Variants in PCNX2 observed in about 807,000 individuals in gnomAD.
PCNX2 encodes the protein pecanex-like protein 2.
A neutral mutation model predicts 223.8 loss-of-function variants in PCNX2; 168 were observed. The observed-to-expected ratio is 0.75, with a 90% confidence interval of 0.66 to 0.85. The LOEUF (loss-of-function observed/expected upper bound fraction) is 0.85. PCNX2 is among the 40% of genes least tolerant of loss of function. PCNX2 has a pLI of 0.00. For missense variants in PCNX2, 2,507 were observed against 2,675.5 expected, an observed-to-expected ratio of 0.94 and a Z score of 1.39; for synonymous variants, 1,006 against 1,052.6, an observed-to-expected ratio of 0.96 and a Z score of 0.86.
At position 233,113,109 on chromosome 1, in the gene PCNX2, T is replaced by A. The variant is rs1038904896; in HGVS notation, c.3838-17246A>T. ...AGGCTGTGGTCACAACGCAGTGAGC[T>A]GGCCAGTTGGGTGACATCAGCTTGT... is the stretch of plus-strand genomic sequence containing the variant. On this transcript the variant is annotated intron_variant, in intron 21 of 33. Coordinates refer to ENST00000258229, the MANE Select transcript of PCNX2 (RefSeq NM_014801.4). 3.3e-6 allele frequency: 3 copies of A among 915,688 alleles called. No homozygotes were observed. In the African/African-American group the frequency reaches 5.2e-5, roughly 16 times the overall value. 56.7% of individuals were successfully genotyped at this position (915,688 alleles called of 1,614,324 possible).
chr1:233,251,225 T>C (rs922310579), intron 7 of PCNX2, among the ~76,000 whole-genome samples: 1 of 152,204 alleles, frequency 6.6e-6, no homozygotes, highest in African/African-American at 2.4e-5. Flanking sequence ...TACCTCAGTA[T>C]CATGTGCAAA....
the PCNX2 span, among the ~76,000 whole-genome samples, chr1:233,306,373 A>G: frequency 4.6e-5 from 7 of 152,362 alleles, no homozygotes; most frequent in South Asian, 1.2e-3. Context: ...AAGATTAACA[A>G]GGAAAGAGAA....
In PCNX2 at chr1:232,991,435, G is replaced by A. The variant is rs1669694174; in HGVS notation, c.5792-4895C>T. Among the ~76,000 whole-genome samples, 1 of 152,126 alleles carries A rather than the reference G, an allele frequency of 6.6e-6. No homozygotes were observed. The highest frequency in any genetic ancestry group is 2.1e-4 in the South Asian group (1 of 4,830). On this transcript the variant is annotated intron_variant, in intron 32 of 33. Coordinates refer to ENST00000258229, the MANE Select transcript of PCNX2 (RefSeq NM_014801.4). The surrounding 1 kb of genome is among the most constrained non-coding windows in gnomAD (Gnocchi z 4.3). ...GCAGACCAGATGGGGGCCTGCGGGG[G>A]AGGGGTGCTCATGGGATGCGCGTGG... is the stretch of plus-strand genomic sequence containing the variant.
chr1:233,025,080 C>T (rs546076518), intron 26 of PCNX2, 66 bp downstream of exon 26: 7 of 1,581,352 alleles, frequency 4.4e-6, no homozygotes, highest in Non-Finnish European at 6.0e-6. Context: ...TTCGACAGAG[C>T]TCTTTCGGAG....
intron 20 of PCNX2, among the ~76,000 whole-genome samples, chr1:233,137,621 T>C (rs972378225): frequency 3.3e-5 from 5 of 152,210 alleles, no homozygotes; most frequent in Admixed American, 6.5e-5. Context: ...TTTAGTTTTG[T>C]ATTGGTTTTT....
intron 21 of PCNX2, among the ~76,000 whole-genome samples, chr1:233,110,300 G>C (rs2102975104): frequency 6.6e-6 from 1 of 152,184 alleles, no homozygotes; most frequent in East Asian, 1.9e-4. Context: ...GAAGAACAAA[G>C]GTAAGCCTTG....
intron 15 of PCNX2, among the ~76,000 whole-genome samples, chr1:233,180,267 T>C (rs1207518506): frequency 6.6e-6 from 1 of 152,160 alleles, no homozygotes; most frequent in African/African-American, 2.4e-5. Context: ...CAGATGTCAG[T>C]TATCAACACA....
At position 233,258,437 on chromosome 1, in the gene PCNX2, C is replaced by T. The variant is rs2102994419; in HGVS notation, c.1425G>A (p.Gly475=). ...NQCSGYGSGE[G]GNAIKDHSSS... ...AACTGTGATCCTTGATGGCATTTCC[C>T]CCCTCCCCAGATCCGTAGCCAGAAC... The change falls in exon 5 of 34, where the codon GGG becomes GGA. Residue 475 remains glycine, a synonymous_variant. Transcript: ENST00000258229. The T allele has an allele frequency of 1.2e-6, 2 of 1,613,916 alleles. No individual in the cohort carries two copies. Among genetic ancestry groups the T allele is most frequent in the South Asian group, 2.2e-5 (2 of 91,086 alleles).
intron 25 of PCNX2, among the ~76,000 whole-genome samples, chr1:233,042,448 G>C (rs1372110012): frequency 2.0e-5 from 3 of 152,160 alleles, no homozygotes; most frequent in Non-Finnish European, 4.4e-5. Flanking sequence ...GGCCTTTCTT[G>C]TTCTAGCAGG....
intron 25 of PCNX2, among the ~76,000 whole-genome samples, chr1:233,049,072 G>C (rs1020837535): frequency 1.3e-5 from 2 of 152,148 alleles, no homozygotes; most frequent in Admixed American, 1.3e-4. Context: ...AGAAGAGCTA[G>C]TACCAATTCT....
chr1:233,320,911 G>T, the PCNX2 span, among the ~76,000 whole-genome samples: 1 of 151,708 alleles, frequency 6.6e-6, no homozygotes, highest in African/African-American at 2.4e-5. Context: ...TAAAATCCTG[G>T]TTGTTGCTTG....
chr1:233,033,052 C>G (rs1671325107), intron 25 of PCNX2: 2 of 985,326 alleles, frequency 2.0e-6, no homozygotes, highest in Non-Finnish European at 1.2e-6. Flanking sequence ...AAAGGAAATG[C>G]TGAAGGTCAA....
chr1:233,210,276 C>A (rs1046130736), intron 12 of PCNX2, among the ~76,000 whole-genome samples: 1 of 152,116 alleles, frequency 6.6e-6, no homozygotes, highest in African/African-American at 2.4e-5. Context: ...ATACAAGGCA[C>A]ACAAACCACT....
intron 6 of PCNX2, 57 bp from the exon 7 acceptor site, chr1:233,252,556 T>G (rs1412060996): frequency 6.3e-7 from 1 of 1,585,986 alleles, no homozygotes; most frequent in Non-Finnish European, 8.6e-7. Context: ...TTATCCTTGA[T>G]AAAGCATTAA....
chr1:233,144,703 G>A (rs768651933), intron 19 of PCNX2, among the ~76,000 whole-genome samples: 1 of 151,968 alleles, frequency 6.6e-6, no homozygotes, highest in African/African-American at 2.4e-5. Flanking sequence ...TCTTCATTCT[G>A]TTGCCTGGTT....
chr1:233,199,075 T>C, intron 14 of PCNX2, 45 bp from the exon 15 acceptor site: 2 of 1,501,442 alleles, frequency 1.3e-6, no homozygotes, highest in Non-Finnish European at 1.8e-6. Context: ...CCGCCATTCT[T>C]AAAATCAACA....
Position 233,278,463 on chromosome 1 carries a change from C to T in PCNX2, c.154-15300G>A, listed in dbSNP as rs116170709. 4.3e-3 allele frequency among the ~76,000 whole-genome samples: 661 copies of T among 152,232 alleles called. 5 individuals carry two copies. The highest frequency in any genetic ancestry group is 0.015 in the African/African-American group (631 of 41,542). On this transcript the variant is annotated intron_variant, in intron 1 of 33. Coordinates refer to ENST00000258229, the MANE Select transcript of PCNX2 (RefSeq NM_014801.4). ...AGTGACATCATGTCAATGGGACAAG[C>T]GCCTCCTGAGGTGTTTTATCACCAT... is the stretch of plus-strand genomic sequence containing the variant.
chr1:233,181,608 G>C (rs998446916), intron 15 of PCNX2, among the ~76,000 whole-genome samples: 5 of 152,130 alleles, frequency 3.3e-5, no homozygotes, highest in Non-Finnish European at 7.4e-5. Context: ...AAATATCATA[G>C]ACTGGGTGGC....
intron 12 of PCNX2, among the ~76,000 whole-genome samples, chr1:233,215,494 C>A (rs1209334237): frequency 2.0e-5 from 3 of 152,174 alleles, no homozygotes; most frequent in African/African-American, 7.2e-5. Flanking sequence ...AATATAACTC[C>A]AACCTAGAGC....
Sources: gnomAD v4.1 joint callset for allele counts (sites outside exome capture counted in the v4.1 genomes callset) on GRCh38, gnomAD v4.1.1 for gene constraint, Gnocchi (gnomAD v3.1) non-coding constraint, MANE v1.5 for transcripts, NCBI Gene and HGNC (gene_info 2026-07-23, HGNC 2026-07-21) for gene names.